Variants in LARS2 observed in about 807,000 individuals in gnomAD.
LARS2 encodes leucyl-tRNA synthetase 2, mitochondrial, also known as leucine--tRNA ligase, mitochondrial.
LARS2 carries 81 observed loss-of-function variants against 116.6 expected under a neutral mutation model. The ratio of observed to expected loss-of-function variants is 0.69; its 90% CI spans 0.58 to 0.84. The LOEUF (loss-of-function observed/expected upper bound fraction) is 0.84, where lower values mean the gene tolerates loss of function less well. Among genes scored for constraint, LARS2 ranks in the 40% least tolerant of loss-of-function variants. LARS2 has a pLI of 0.00. For synonymous variants in LARS2, 396 were observed against 407.2 expected (o/e 0.97, Z 0.33); for missense variants, 968 against 1,114.5 (o/e 0.87, Z 1.87).
chr3:45,507,962 G>A (rs1456341415), intron 15 of LARS2, among the ~76,000 whole-genome samples: 2 of 151,956 alleles, frequency 1.3e-5, no homozygotes, highest in African/African-American at 2.4e-5. Context: ...CCCTCCTTCC[G>A]GTGGTTAGCA....
At position 45,459,144 on chromosome 3, in the gene LARS2, C is replaced by T. The variant is rs181862863; in HGVS notation, c.750+258C>T. Among the ~76,000 whole-genome samples the T allele has an allele frequency of 2.6e-4, 40 of 152,164 alleles. 2 individuals are homozygous for T. The highest frequency in any genetic ancestry group is 9.4e-4 in the African/African-American group (39 of 41,494). ...TTGCTGACGTTTCAACTTACTGCCA[C>T]AGAGGTCAAAAATCATCCATAATTA... On this transcript the variant is annotated intron_variant, in intron 8 of 21. Coordinates refer to ENST00000645846, the MANE Select transcript of LARS2 (RefSeq NM_015340.4).
At chr3:45,482,790 A>G (rs888842598) in intron 10 of LARS2, among the ~76,000 whole-genome samples, 1 of 152,228 alleles carries the variant, frequency 6.6e-6, no homozygotes, top group East Asian at 1.9e-4. Context: ...TTCTACCTAC[A>G]TGAAACTCTT....
At chr3:45,542,748 G>T (rs538201119) in intron 21 of LARS2, among the ~76,000 whole-genome samples, 65 of 152,310 alleles carry the variant, frequency 4.3e-4, no homozygotes, top group Non-Finnish European at 8.1e-4. Flanking sequence ...GGTCCACCTT[G>T]CCCAGGTTTA....
intron 6 of LARS2, among the ~76,000 whole-genome samples, chr3:45,445,199 TCAA>T (rs1482035319): frequency 1.3e-5 from 2 of 152,156 alleles, no homozygotes; most frequent in African/African-American, 4.8e-5. Context: ...TATTCTTCCT[TCAA>T]CAACAATTTT....
intron 21 of LARS2, 123 bp from the exon 22 acceptor site, chr3:45,547,228 A>G (rs1461527362): frequency 7.2e-6 from 6 of 837,128 alleles, no homozygotes; most frequent in Middle Eastern, 3.4e-4. Flanking sequence ...TCCTTTCTCC[A>G]CCTCTATTCC....
chr3:45,410,261 A>AT (rs1698308651), intron 4 of LARS2, among the ~76,000 whole-genome samples: 1 of 151,030 alleles, frequency 6.6e-6, no homozygotes, highest in East Asian at 1.9e-4. Flanking sequence ...TCCTTGAAGT[A>AT]TTGCAGAACT....
At chr3:45,433,935 G>A (rs1269217371) in intron 6 of LARS2, among the ~76,000 whole-genome samples, 1 of 152,134 alleles carries the variant, frequency 6.6e-6, no homozygotes. Context: ...TCAGGCCTCT[G>A]TGGTTTCTGA....
intron 4 of LARS2, among the ~76,000 whole-genome samples, chr3:45,413,514 A>G (rs895140070): frequency 6.6e-6 from 1 of 152,334 alleles, no homozygotes; most frequent in African/African-American, 2.4e-5. Flanking sequence ...TTAGTAAGTA[A>G]TGTGCCTCAG....
At chr3:45,508,423 G>A (rs1053564362) in intron 15 of LARS2, among the ~76,000 whole-genome samples, 1 of 152,094 alleles carries the variant, frequency 6.6e-6, no homozygotes, top group Non-Finnish European at 1.5e-5. Context: ...AAATGGGAAT[G>A]GTGATATTTC....
intron 15 of LARS2, among the ~76,000 whole-genome samples, chr3:45,510,083 G>A (rs1483731304): frequency 6.6e-6 from 1 of 151,990 alleles, no homozygotes; most frequent in Non-Finnish European, 1.5e-5. Context: ...ACATTACTGA[G>A]CATCTGTTAG....
intron 9 of LARS2, among the ~76,000 whole-genome samples, chr3:45,476,066 T>G (rs1317546268): frequency 1.0e-4 from 1 of 9,854 alleles, no homozygotes; most frequent in East Asian, 0.12. Flanking sequence ...GTAGATGCCT[T>G]TTTTTTTTTT....
intron 20 of LARS2, among the ~76,000 whole-genome samples, chr3:45,529,418 G>T (rs1176247621): frequency 2.0e-5 from 3 of 151,924 alleles, no homozygotes; most frequent in East Asian, 2.0e-4. Context: ...GCGTGGTGGC[G>T]CATGCCTGTA....
chr3:45,506,562 G>A (rs1364134173), intron 15 of LARS2, among the ~76,000 whole-genome samples: 1 of 152,072 alleles, frequency 6.6e-6, no homozygotes, highest in East Asian at 1.9e-4. Flanking sequence ...GAGGCTATTT[G>A]AGATGATAGT....
chr3:45,471,919 G>GTAT (rs1699534247), intron 8 of LARS2, among the ~76,000 whole-genome samples: 3 of 152,058 alleles, frequency 2.0e-5, no homozygotes, highest in African/African-American at 7.2e-5. Context: ...ATCTACTTTT[G>GTAT]CTACAATGAC....
rs924117640 is a variant in LARS2, at chr3:45,501,706, C to T, written c.1760+1127C>T. On this transcript the variant is annotated intron_variant, in intron 15 of 21. Coordinates refer to ENST00000645846, the MANE Select transcript of LARS2 (RefSeq NM_015340.4). The stretch of plus-strand genomic sequence containing the variant: ...AAATGTGTACCTAAGAGTAGAATTG[C>T]TCGATTGTAGGATACGCACGTGTTC... 7.9e-5 allele frequency among the ~76,000 whole-genome samples: 12 copies of T among 152,276 alleles called. No individual in the cohort carries two copies. The East Asian group carries it at 2.1e-3, about 27-fold the overall frequency.
chr3:45,454,339 A>G lies in LARS2; in HGVS notation c.607-4404A>G, dbSNP rs115307433. ...ATGGCTCCTTTGTGTTTGTTGTGTT[A>G]TGAGGTGCATTTTTAAAATGCTTCC... On this transcript the variant is annotated intron_variant, in intron 7 of 21. Transcript: ENST00000645846. Among the ~76,000 whole-genome samples the G allele has an allele frequency of 9.2e-3, 1,406 of 152,302 alleles. 20 individuals are homozygous for G. The highest frequency in any genetic ancestry group is 0.024 in the African/African-American group (999 of 41,558).
At chr3:45,399,813 C>T (rs564271926) in intron 3 of LARS2, among the ~76,000 whole-genome samples, 2 of 151,994 alleles carry the variant, frequency 1.3e-5, no homozygotes, top group East Asian at 3.9e-4. Context: ...CCCAAAGTCC[C>T]CAAAGTCCAT....
chr3:45,407,298 A>G (rs1442908021), intron 4 of LARS2, among the ~76,000 whole-genome samples: 1 of 152,224 alleles, frequency 6.6e-6, no homozygotes, highest in African/African-American at 2.4e-5. Context: ...AAGTGCCCGG[A>G]GAGTGCATAG....
chr3:45,440,943 G>A (rs916153106), intron 6 of LARS2, among the ~76,000 whole-genome samples: 4 of 147,956 alleles, frequency 2.7e-5, no homozygotes, highest in African/African-American at 9.9e-5. Flanking sequence ...CCTTACCCCA[G>A]TAGGCTGATG....
Sources: gnomAD v4.1 joint callset for allele counts (sites outside exome capture counted in the v4.1 genomes callset) on GRCh38, gnomAD v4.1.1 for gene constraint, MANE v1.5 for transcripts, NCBI Gene and HGNC (gene_info 2026-07-23, HGNC 2026-07-21) for gene names.